The following IL1RAPL1 variants were observed in gnomAD, a reference collection of about 807,000 sequenced individuals.
IL1RAPL1 encodes the protein interleukin 1 receptor accessory protein like 1.
A neutral mutation model predicts 48.4 loss-of-function variants in IL1RAPL1; 3 were observed. That is an observed-to-expected ratio of 0.06 (90% CI 0.03 to 0.16). The LOEUF is 0.16. Among genes scored for constraint, IL1RAPL1 ranks in the 10% least tolerant of loss-of-function variants. The pLI is 1.00. For synonymous variants in IL1RAPL1, 185 were observed against 187.7 expected (o/e 0.99, Z 0.12); for missense variants, 349 against 530.6 (o/e 0.66, Z 3.36).
At chrX:28,626,963 TC>T (rs1403525685) in intron 1 of IL1RAPL1, among the ~76,000 whole-genome samples, 3 of 112,077 alleles carry the variant, frequency 2.7e-5, no homozygotes, top group Non-Finnish European at 5.6e-5. Context: ...CTTTTGGCTA[TC>T]CCTATTTTGT....
intron 5 of IL1RAPL1, among the ~76,000 whole-genome samples, chrX:29,480,883 T>A (rs1412681999): frequency 6.3e-5 from 7 of 111,589 alleles, no homozygotes; most frequent in Non-Finnish European, 1.1e-4. Flanking sequence ...GAAAATGCCA[T>A]TTTTAACCTT....
At chrX:29,097,934 T>C (rs1471276135) in intron 2 of IL1RAPL1, among the ~76,000 whole-genome samples, 1 of 112,122 alleles carries the variant, frequency 8.9e-6, no homozygotes, top group African/African-American at 3.2e-5. Flanking sequence ...GTGGGCAGAA[T>C]GGATATGCTC....
intron 2 of IL1RAPL1, among the ~76,000 whole-genome samples, chrX:29,021,027 C>T (rs1330941611): frequency 9.1e-6 from 1 of 109,428 alleles, no homozygotes; most frequent in Non-Finnish European, 1.9e-5. Context: ...AGATCGAGAC[C>T]ATCCTGGCCA....
chrX:28,589,942 A>G (rs1486220291), intron 1 of IL1RAPL1, among the ~76,000 whole-genome samples: 1 of 112,219 alleles, frequency 8.9e-6, no homozygotes, highest in African/African-American at 3.2e-5. Context: ...CCAGAAAAAA[A>G]GAGCAATCCA....
At chrX:29,239,712 A>ATTT (rs60139378) in intron 2 of IL1RAPL1, among the ~76,000 whole-genome samples, 3 of 102,193 alleles carry the variant, frequency 2.9e-5, no homozygotes, top group African/African-American at 1.1e-4. Context: ...ACATTGTGAG[A>ATTT]TTTTTTTTTT....
At chrX:29,287,807 T>G (rs1462946943) in intron 3 of IL1RAPL1, among the ~76,000 whole-genome samples, 2 of 112,285 alleles carry the variant, frequency 1.8e-5, no homozygotes, top group Non-Finnish European at 3.8e-5. Context: ...ATATTAATTC[T>G]TTTTGGAGAT....
chrX:29,714,374 A>AT (rs1316516703), intron 6 of IL1RAPL1, among the ~76,000 whole-genome samples: 1 of 112,075 alleles, frequency 8.9e-6, no homozygotes, highest in African/African-American at 3.2e-5. Flanking sequence ...ATCACAGCCA[A>AT]TTCAATCTCA....
rs188283354 is a variant in IL1RAPL1, at chrX:28,657,074, T to C, written c.-25+69027T>C. ...TTTTACACCCCTACCAGACTATAAA[T>C]GTAATGGGGGCATATACTATGTCCA... On this transcript the variant is annotated intron_variant, in intron 1 of 10. Transcript: ENST00000378993. Among the ~76,000 whole-genome samples, 170 of 107,061 alleles carry C rather than the reference T, an allele frequency of 1.6e-3. 2 individuals carry two copies. The highest frequency in any genetic ancestry group is 5.2e-3 in the African/African-American group (153 of 29,299). 93.0% of individuals were successfully genotyped at this position (107,061 alleles called of 115,157 possible).
intron 5 of IL1RAPL1, among the ~76,000 whole-genome samples, chrX:29,472,443 G>A (rs1209967703): frequency 9.0e-6 from 1 of 111,661 alleles, no homozygotes; most frequent in East Asian, 2.8e-4. Context: ...TCATGTATGT[G>A]CTTTTAACTA....
intron 1 of IL1RAPL1, among the ~76,000 whole-genome samples, chrX:28,734,201 T>A (rs1935790453): frequency 9.0e-6 from 1 of 111,248 alleles, no homozygotes; most frequent in African/African-American, 3.3e-5. Context: ...GCTCTTCCCC[T>A]CTTCAAATCT....
At chrX:29,027,097 G>T (rs1368136243) in intron 2 of IL1RAPL1, among the ~76,000 whole-genome samples, 1 of 111,604 alleles carries the variant, frequency 9.0e-6, no homozygotes, top group Admixed American at 9.5e-5. Context: ...TGTACATTCT[G>T]TGGGTTTGGA....
intron 2 of IL1RAPL1, among the ~76,000 whole-genome samples, chrX:28,880,207 A>T: frequency 8.9e-6 from 1 of 112,814 alleles, no homozygotes; most frequent in South Asian, 3.6e-4. Flanking sequence ...TGTGACTAGG[A>T]CTTTAAGCTA....
chrX:29,671,286 C>T (rs1052667887), intron 6 of IL1RAPL1, among the ~76,000 whole-genome samples: 2 of 111,694 alleles, frequency 1.8e-5, no homozygotes, highest in African/African-American at 6.5e-5. Flanking sequence ...TTTCTTGTGT[C>T]CTGTTCTTCT....
intron 8 of IL1RAPL1, among the ~76,000 whole-genome samples, chrX:29,928,065 A>G (rs1457660264): frequency 8.9e-6 from 1 of 111,835 alleles, no homozygotes; most frequent in African/African-American, 3.2e-5. Context: ...CAGAGGCTAT[A>G]AAACACAAGT....
intron 2 of IL1RAPL1, among the ~76,000 whole-genome samples, chrX:28,993,445 C>A (rs1466409741): frequency 9.0e-6 from 1 of 111,160 alleles, no homozygotes; most frequent in Non-Finnish European, 1.9e-5. Context: ...GTGAACAAGT[C>A]GATCCAAGAT....
intron 1 of IL1RAPL1, among the ~76,000 whole-genome samples, chrX:28,635,547 T>A (rs1377022120): frequency 8.9e-6 from 1 of 111,910 alleles, no homozygotes; most frequent in East Asian, 2.8e-4. Context: ...AAATAGGCTT[T>A]GTGTCAGATT....
intron 1 of IL1RAPL1, among the ~76,000 whole-genome samples, chrX:28,722,432 C>T (rs779164496): frequency 2.7e-5 from 3 of 111,302 alleles, no homozygotes; most frequent in Non-Finnish European, 3.8e-5. Flanking sequence ...GATTTTTGCA[C>T]ATTGATTTTG....
intron 5 of IL1RAPL1, among the ~76,000 whole-genome samples, chrX:29,509,150 A>C (rs190276334): frequency 3.8e-4 from 43 of 111,974 alleles, no homozygotes; most frequent in African/African-American, 1.3e-3. Flanking sequence ...GGCTGATAAG[A>C]CAAGTTCAAA....
intron 5 of IL1RAPL1, among the ~76,000 whole-genome samples, chrX:29,583,146 G>A (rs1390167192): frequency 3.0e-5 from 3 of 100,908 alleles, no homozygotes; most frequent in Non-Finnish European, 6.0e-5. Flanking sequence ...CATTCCCTTT[G>A]AAAACTGGCA....
Sources: allele counts gnomAD v4.1 joint callset (sites outside exome capture counted in the v4.1 genomes callset), GRCh38; gene constraint gnomAD v4.1.1; transcripts MANE v1.5; gene names NCBI Gene and HGNC (gene_info 2026-07-23, HGNC 2026-07-21).